PTPRD: variants seen among roughly 807,000 people sequenced by gnomAD.
The protein encoded by PTPRD is receptor-type tyrosine-protein phosphatase delta.
In PTPRD, 34 loss-of-function variants were observed where a neutral mutation model predicts 214.5. The ratio of observed to expected loss-of-function variants is 0.16; its 90% CI spans 0.12 to 0.21. PTPRD has a LOEUF of 0.21. Among genes scored for constraint, PTPRD ranks in the 10% least tolerant of loss-of-function variants. PTPRD has a pLI of 1.00. For missense variants in PTPRD, 2,545 were observed against 2,398.7 expected, an observed-to-expected ratio of 1.06 and a Z score of -1.27; for synonymous variants, 1,128 against 845.7, an observed-to-expected ratio of 1.33 and a Z score of -5.79.
chr9:8,534,807 T>A, intron 14 of PTPRD, among the ~76,000 whole-genome samples: 1 of 151,918 alleles, frequency 6.6e-6, no homozygotes, highest in African/African-American at 2.4e-5. Context: ...ACATTGGTCT[T>A]AAGGTGGTCA....
chr9:8,775,629 T>A (rs1005769680), intron 11 of PTPRD, among the ~76,000 whole-genome samples: 1 of 152,240 alleles, frequency 6.6e-6, no homozygotes, highest in Non-Finnish European at 1.5e-5. Flanking sequence ...TACACAGGTT[T>A]ACTGCATGGG....
intron 9 of PTPRD, among the ~76,000 whole-genome samples, chr9:9,293,639 C>G (rs1569567136): frequency 6.6e-6 from 1 of 151,464 alleles, no homozygotes; most frequent in South Asian, 2.1e-4. Context: ...TACCGTAATA[C>G]CCCCTTATCC....
chr9:8,355,866 G>A (rs1416490028), intron 39 of PTPRD, among the ~76,000 whole-genome samples: 1 of 152,092 alleles, frequency 6.6e-6, no homozygotes, highest in Non-Finnish European at 1.5e-5. Flanking sequence ...GCTGGTCGCT[G>A]GGCCACACTT....
chr9:9,893,329 G>C (rs115616569), intron 5 of PTPRD, among the ~76,000 whole-genome samples: 2,250 of 152,082 alleles, frequency 0.015, 53 homozygotes, highest in African/African-American at 0.051. Flanking sequence ...AAGACACAGA[G>C]TGGCAAGCTA....
chr9:10,507,785 T>C (rs531959080), intron 2 of PTPRD, among the ~76,000 whole-genome samples: 1 of 152,158 alleles, frequency 6.6e-6, no homozygotes, highest in Non-Finnish European at 1.5e-5. Context: ...TTATGCCTTG[T>C]GCAAAAATTA....
At chr9:9,789,665 T>A (rs189194743) in intron 5 of PTPRD, among the ~76,000 whole-genome samples, 1 of 151,362 alleles carries the variant, frequency 6.6e-6, no homozygotes, top group Non-Finnish European at 1.5e-5. Context: ...GGCGTGGTGG[T>A]GGGCGCCTGT....
intron 14 of PTPRD, among the ~76,000 whole-genome samples, chr9:8,569,274 A>G (rs1301815845): frequency 6.6e-6 from 1 of 152,148 alleles, no homozygotes; most frequent in African/African-American, 2.4e-5. Flanking sequence ...AGCAAGACCA[A>G]TATTTTGCAG....
intron 9 of PTPRD, among the ~76,000 whole-genome samples, chr9:9,189,577 A>G (rs538308404): frequency 2.7e-4 from 41 of 152,124 alleles, no homozygotes; most frequent in African/African-American, 9.4e-4. Context: ...TTAACACTTT[A>G]TAATGATTTC....
chr9:8,478,911 G>C (rs890137231), intron 30 of PTPRD, among the ~76,000 whole-genome samples: 1 of 152,158 alleles, frequency 6.6e-6, no homozygotes, highest in Non-Finnish European at 1.5e-5. Context: ...TGACAGCATG[G>C]TTTCTGTTGG....
At chr9:8,646,212 T>C (rs567620734) in intron 12 of PTPRD, among the ~76,000 whole-genome samples, 154 of 152,312 alleles carry the variant, frequency 1.0e-3, no homozygotes, top group African/African-American at 3.6e-3. Context: ...ATGATATCCA[T>C]AGCTTCCCAT....
intron 11 of PTPRD, among the ~76,000 whole-genome samples, chr9:8,881,267 A>T (rs2098443715): frequency 6.6e-6 from 1 of 152,252 alleles, no homozygotes; most frequent in African/African-American, 2.4e-5. Flanking sequence ...AAAAAGTTGT[A>T]TATCAGTCAA....
At chr9:8,443,946 T>A (rs2095634367) in intron 34 of PTPRD, among the ~76,000 whole-genome samples, 1 of 152,222 alleles carries the variant, frequency 6.6e-6, no homozygotes, top group African/African-American at 2.4e-5. Context: ...AATATTATGT[T>A]TATTTTCATC....
chr9:8,777,728 T>C (rs1051649764), intron 11 of PTPRD, among the ~76,000 whole-genome samples: 2 of 152,308 alleles, frequency 1.3e-5, no homozygotes, highest in South Asian at 2.1e-4. Context: ...TTAAATTGAA[T>C]TGAAAGCCTT....
intron 10 of PTPRD, among the ~76,000 whole-genome samples, chr9:9,175,960 T>C (rs1455851363): frequency 1.3e-5 from 2 of 152,200 alleles, no homozygotes; most frequent in African/African-American, 4.8e-5. Flanking sequence ...TATATCACTC[T>C]TGAACTCAAC....
chr9:9,760,953 G>T (rs947031922), intron 6 of PTPRD, among the ~76,000 whole-genome samples: 5 of 152,070 alleles, frequency 3.3e-5, no homozygotes, highest in African/African-American at 1.2e-4. Flanking sequence ...TCACTGCTAG[G>T]AATATAAAAT....
intron 8 of PTPRD, among the ~76,000 whole-genome samples, chr9:9,504,086 C>T (rs765523065): frequency 7.3e-5 from 11 of 151,594 alleles, no homozygotes; most frequent in Non-Finnish European, 1.6e-4. Flanking sequence ...ATTGCAATAC[C>T]CTATTCCAAA....
At chr9:9,697,546 G>A (rs920203671) in intron 7 of PTPRD, among the ~76,000 whole-genome samples, 1 of 151,916 alleles carries the variant, frequency 6.6e-6, no homozygotes, top group Non-Finnish European at 1.5e-5. Flanking sequence ...TAAGAAGTCT[G>A]TTGCCAAAAA....
At chr9:10,267,149 C>G (rs2094122903) in intron 3 of PTPRD, among the ~76,000 whole-genome samples, 1 of 146,058 alleles carries the variant, frequency 6.8e-6, no homozygotes, top group Non-Finnish European at 1.5e-5. Flanking sequence ...CGACATCACA[C>G]TACTGCACTC....
intron 3 of PTPRD, among the ~76,000 whole-genome samples, chr9:10,066,825 T>G (rs1466980798): frequency 6.6e-6 from 1 of 151,972 alleles, no homozygotes; most frequent in Non-Finnish European, 1.5e-5. Flanking sequence ...AATACTACTA[T>G]GTGTACTCAT....
Sources: gnomAD v4.1 joint callset for allele counts (sites outside exome capture counted in the v4.1 genomes callset) on GRCh38, gnomAD v4.1.1 for gene constraint, MANE v1.5 for transcripts, NCBI Gene and HGNC (gene_info 2026-07-23, HGNC 2026-07-21) for gene names.